Variants in RIN2 observed in about 807,000 individuals in gnomAD.
The protein encoded by RIN2 is RAB5 interacting protein 2.
RIN2 carries 36 observed loss-of-function variants against 78.0 expected under a neutral mutation model. The ratio of observed to expected loss-of-function variants is 0.46; its 90% CI spans 0.35 to 0.61. The LOEUF is 0.61. Among genes scored for constraint, RIN2 ranks in the 20% least tolerant of loss-of-function variants. The pLI is 0.00. For missense variants in RIN2, 1,087 were observed against 1,159.7 expected, an observed-to-expected ratio of 0.94 and a Z score of 0.91; for synonymous variants, 466 against 466.8, an observed-to-expected ratio of 1.00 and a Z score of 0.02.
rs540923982 is a variant in RIN2 at position 20,000,684 on chromosome 20, C to T, written c.2436C>T (p.Tyr812=). Residue 812 remains tyrosine (Y), a synonymous_variant, in exon 13 of 13, where the codon TAC becomes TAT. Coordinates refer to ENST00000255006, the MANE Select transcript of RIN2 (RefSeq NM_018993.4). Reference sequence around the variant, plus strand: ...GAAAGACCCTCCTTGTGAGACCTTACATCACCACTGAGGATGTGTGTCAGA... The same window carrying T: ...GAAAGACCCTCCTTGTGAGACCTTATATCACCACTGAGGATGTGTGTCAGA... ...CTGKTLLVRP[Y]ITTEDVCQIC... 6.1e-5 allele frequency: 99 copies of T among 1,613,810 alleles called. No homozygotes were observed. In the East Asian group the frequency reaches 2.0e-3, roughly 32 times the overall value.
chr20:19,908,636 C>A (rs370830535), intron 3 of RIN2, among the ~76,000 whole-genome samples: 51 of 152,260 alleles, frequency 3.3e-4, no homozygotes, highest in African/African-American at 1.1e-3. Context: ...TCAAGTAACC[C>A]CAAAACATCA....
At chr20:19,883,121 T>G (rs1314301529) in intron 2 of RIN2, among the ~76,000 whole-genome samples, 1 of 152,126 alleles carries the variant, frequency 6.6e-6, no homozygotes, top group African/African-American at 2.4e-5. Flanking sequence ...CACCCCTCTT[T>G]CCCTGCTCAA....
intron 2 of RIN2, among the ~76,000 whole-genome samples, chr20:19,861,852 C>A (rs2037351970): frequency 6.6e-6 from 1 of 151,478 alleles, no homozygotes; most frequent in Non-Finnish European, 1.5e-5. Flanking sequence ...TCAATGATCA[C>A]CCTCCATATC....
rs1022385235 is a variant in RIN2 at position 19,908,209 on chromosome 20, C to T, written c.57+18551C>T. Among the ~76,000 whole-genome samples, 8 of 152,142 alleles carry T rather than the reference C, an allele frequency of 5.3e-5. No homozygotes were observed. The East Asian group carries it at 5.8e-4, about 11-fold the overall frequency. The stretch of plus-strand genomic sequence containing the variant: ...CATAGGAACTTCAGAGTTTGGACAT[C>T]GGCCAGGCGCGGTGGCTCACACCTA... On this transcript the variant is annotated intron_variant, in intron 3 of 12. Transcript: ENST00000255006.
At chr20:19,895,189 T>TG (rs2038665349) in intron 3 of RIN2, among the ~76,000 whole-genome samples, 1 of 152,174 alleles carries the variant, frequency 6.6e-6, no homozygotes, top group African/African-American at 2.4e-5. Context: ...GTGGGAGAAA[T>TG]GTTATGTATG....
chr20:19,832,572 C>T (rs533323167), intron 2 of RIN2, among the ~76,000 whole-genome samples: 23 of 151,940 alleles, frequency 1.5e-4, no homozygotes, highest in African/African-American at 5.3e-4. Context: ...CTGATCACCC[C>T]GGGGCCAGGT....
chr20:19,995,272 A>C (rs530540564), intron 11 of RIN2, among the ~76,000 whole-genome samples: 22 of 151,446 alleles, frequency 1.5e-4, no homozygotes, highest in Admixed American at 4.6e-4. Flanking sequence ...AAAAAAAAAA[A>C]AAAAAACAAA....
intron 1 of RIN2, among the ~76,000 whole-genome samples, chr20:19,780,445 A>T (rs1039531130): frequency 6.6e-6 from 1 of 151,966 alleles, no homozygotes; most frequent in Non-Finnish European, 1.5e-5. Flanking sequence ...AGGGTGTCCC[A>T]TTCTCTGCTC....
chr20:19,941,896 C>T (rs939445878), intron 4 of RIN2, among the ~76,000 whole-genome samples: 5 of 152,090 alleles, frequency 3.3e-5, no homozygotes, highest in Admixed American at 6.5e-5. Flanking sequence ...GGGTGGATCA[C>T]GAGGTCAGGA....
At chr20:19,953,028 T>C (rs2041385057) in intron 4 of RIN2, among the ~76,000 whole-genome samples, 1 of 152,176 alleles carries the variant, frequency 6.6e-6, no homozygotes, top group African/African-American at 2.4e-5. Flanking sequence ...AAACCAGGAA[T>C]CTGTGGCTTA....
chr20:19,951,103 G>A (rs1417417478), intron 4 of RIN2, among the ~76,000 whole-genome samples: 1 of 151,746 alleles, frequency 6.6e-6, no homozygotes, highest in Non-Finnish European at 1.5e-5. Flanking sequence ...CATGTTGCCC[G>A]GGCTGGCCTC....
chr20:19,844,639 CTT>C lies in RIN2; in HGVS notation c.-37+44893_-37+44894del, dbSNP rs1491190847. On this transcript the variant is annotated intron_variant, in intron 2 of 12. Transcript: ENST00000255006. ...TCTTCTTCTTCTTCTTCTTCTTCTT[CTT>C]CTTCTTCTTCTTCTTCTTCTTCTTC... Among the ~76,000 whole-genome samples the C allele has an allele frequency of 3.7e-5, 5 of 134,908 alleles. 1 individual carries two copies. Among genetic ancestry groups the C allele is most frequent in the African/African-American group, 6.2e-5 (2 of 32,206 alleles). The allele number at this position is 134,908 out of a possible 152,430, so 88.5% of individuals were successfully genotyped here. A position where few individuals can be genotyped will look rare whatever the true frequency, so the allele number is the denominator to read the frequency against.
chr20:19,969,278 A>G (rs1274559358), intron 7 of RIN2, among the ~76,000 whole-genome samples: 1 of 152,208 alleles, frequency 6.6e-6, no homozygotes, highest in Non-Finnish European at 1.5e-5. Flanking sequence ...ACGTCTCATG[A>G]TGACAAAGTC....
At chr20:19,835,654 C>T (rs2036399861) in intron 2 of RIN2, among the ~76,000 whole-genome samples, 1 of 152,140 alleles carries the variant, frequency 6.6e-6, no homozygotes, top group African/African-American at 2.4e-5. Flanking sequence ...GTCAGTTTAT[C>T]TCAAAAGCCG....
chr20:19,887,488 A>G (rs1398748521), intron 2 of RIN2, among the ~76,000 whole-genome samples: 1 of 152,136 alleles, frequency 6.6e-6, no homozygotes, highest in Non-Finnish European at 1.5e-5. Flanking sequence ...GGAGCAGCTT[A>G]TGAAGGAGAG....
chr20:19,974,955 G>GCCCCCCC lies in RIN2; in HGVS notation c.935_936insCCCCCCC (p.Ile316ThrfsTer4). On this transcript the variant is annotated frameshift_variant, in exon 9 of 13. Coordinates refer to ENST00000255006, the MANE Select transcript of RIN2 (RefSeq NM_018993.4). LOFTEE classifies it high-confidence loss of function. ...AGCGGACTCGGTCCCCCCCACCCAG[G>GCCCCCCC]CCCCCGCCACCCGCTATTAATAGTC... 4.6e-6 allele frequency: 7 copies of GCCCCCCC among 1,517,070 alleles called. No individual in the cohort carries two copies. The highest frequency in any genetic ancestry group is 2.8e-5 in the African/African-American group (2 of 72,670). 94.0% of individuals were successfully genotyped at this position (1,517,070 alleles called of 1,614,324 possible).
intron 2 of RIN2, among the ~76,000 whole-genome samples, chr20:19,844,636 C>A (rs1251402428): frequency 2.3e-5 from 3 of 129,320 alleles, no homozygotes; most frequent in Non-Finnish European, 4.7e-5. Context: ...TCTTCTTCTT[C>A]TTCTTCTTCT....
At chr20:19,797,292 A>C (rs1467418517) in intron 1 of RIN2, among the ~76,000 whole-genome samples, 2 of 152,140 alleles carry the variant, frequency 1.3e-5, no homozygotes, top group Non-Finnish European at 2.9e-5. Context: ...GGCCCACCGT[A>C]TTTATGATGC....
chr20:19,976,330 C>T (rs2042278007), intron 9 of RIN2, among the ~76,000 whole-genome samples: 1 of 152,178 alleles, frequency 6.6e-6, no homozygotes, highest in Non-Finnish European at 1.5e-5. Flanking sequence ...CATCTAGGGA[C>T]CCCGGGCCCC....
Sources: gnomAD v4.1 joint callset for allele counts (sites outside exome capture counted in the v4.1 genomes callset) on GRCh38, gnomAD v4.1.1 for gene constraint, MANE v1.5 for transcripts, NCBI Gene and HGNC (gene_info 2026-07-23, HGNC 2026-07-21) for gene names.